The following ACSM1 variants were observed in gnomAD, a reference collection of about 807,000 sequenced individuals.
ACSM1 encodes acyl-coenzyme A synthetase ACSM1, mitochondrial.
Under a neutral mutation model 75.8 loss-of-function variants are expected in ACSM1, and 79 were observed. The observed-to-expected ratio is 1.04, with a 90% CI of 0.87 to 1.26. The LOEUF (loss-of-function observed/expected upper bound fraction) is 1.26, where lower values mean the gene tolerates loss of function less well. Among genes scored for constraint, ACSM1 ranks in the 50% most tolerant of loss-of-function variants. ACSM1 has a pLI of 0.00. For synonymous variants in ACSM1, 279 were observed against 265.8 expected, an observed-to-expected ratio of 1.05 and a Z score of -0.48; for missense variants, 676 against 720.1, an observed-to-expected ratio of 0.94 and a Z score of 0.70.
chr16:20,625,295 T>TA, intron 12 of ACSM1, 128 bp downstream of exon 12: 1 of 840,676 alleles, frequency 1.2e-6, no homozygotes, highest in South Asian at 1.7e-5. Context: ...CCTGGTGCCA[T>TA]ACCGTGTAAA....
chr16:20,656,593 A>T (rs1020975022), intron 7 of ACSM1, among the ~76,000 whole-genome samples: 2 of 152,216 alleles, frequency 1.3e-5, no homozygotes, highest in Non-Finnish European at 2.9e-5. Context: ...GAAACATTTA[A>T]GAGTTGCTTT....
intron 4 of ACSM1, chr16:20,681,067 A>G (rs1277132910): frequency 6.6e-6 from 1 of 152,228 alleles, no homozygotes; most frequent in East Asian, 1.9e-4. Flanking sequence ...GGCCTCCTGA[A>G]AGAATAATTA....
intron 7 of ACSM1, among the ~76,000 whole-genome samples, chr16:20,642,100 C>G (rs2018095970): frequency 1.3e-5 from 2 of 152,116 alleles, no homozygotes; most frequent in South Asian, 4.2e-4. Context: ...GAGAAATTGA[C>G]AGAGATTTTT....
intron 4 of ACSM1, among the ~76,000 whole-genome samples, chr16:20,676,555 A>T (rs796551076): frequency 6.6e-6 from 1 of 152,184 alleles, no homozygotes; most frequent in Non-Finnish European, 1.5e-5. Flanking sequence ...GTGTGAATGC[A>T]ACTCAGCTTA....
chr16:20,632,170 T>C (rs571236449), intron 10 of ACSM1, among the ~76,000 whole-genome samples: 3 of 152,160 alleles, frequency 2.0e-5, no homozygotes, highest in South Asian at 4.1e-4. Flanking sequence ...ACCTTACACT[T>C]TAGGGAACCA....
intron 7 of ACSM1, among the ~76,000 whole-genome samples, chr16:20,659,719 A>G (rs754242204): frequency 1.2e-4 from 18 of 152,100 alleles, no homozygotes; most frequent in Non-Finnish European, 1.9e-4. Flanking sequence ...GAGATAATCA[A>G]CTAAGAACCA....
At chr16:20,676,106 T>A (rs1472631429) in intron 4 of ACSM1, 2 of 152,174 alleles carry the variant, frequency 1.3e-5, no homozygotes, top group Non-Finnish European at 2.9e-5. Context: ...TTCAAAGAGA[T>A]ACAGGCTCCC....
chr16:20,625,057 C>T (rs538011241), intron 12 of ACSM1, among the ~76,000 whole-genome samples: 4 of 152,200 alleles, frequency 2.6e-5, no homozygotes, highest in South Asian at 2.1e-4. Context: ...CATGTATGTT[C>T]GGGAGCCACA....
intron 4 of ACSM1, among the ~76,000 whole-genome samples, chr16:20,673,409 T>A (rs887848629): frequency 6.6e-6 from 1 of 152,220 alleles, no homozygotes; most frequent in Non-Finnish European, 1.5e-5. Context: ...TCTGTTTTAA[T>A]TAAATTCTCT....
intron 7 of ACSM1, among the ~76,000 whole-genome samples, chr16:20,645,668 G>T (rs1453589520): frequency 6.6e-6 from 1 of 152,182 alleles, no homozygotes; most frequent in African/African-American, 2.4e-5. Context: ...GTCAATGATA[G>T]GATGACAACA....
intron 4 of ACSM1, among the ~76,000 whole-genome samples, chr16:20,672,652 ATAAT>A (rs1339459203): frequency 7.7e-6 from 1 of 130,404 alleles, no homozygotes; most frequent in Non-Finnish European, 1.5e-5. Flanking sequence ...ATAAGTATAT[ATAAT>A]ATATATCATA....
intron 3 of ACSM1, 112 bp from the exon 4 acceptor site, chr16:20,682,575 C>T: frequency 1.3e-6 from 1 of 762,776 alleles, no homozygotes; most frequent in Non-Finnish European, 2.2e-6. Flanking sequence ...AAAGTACAGG[C>T]CACAGAACAA....
chr16:20,640,519 T>C lies in ACSM1; in HGVS notation c.1058A>G (p.Glu353Gly), dbSNP rs767833607. 6.8e-6 allele frequency: 11 copies of C among 1,614,164 alleles called. No homozygotes were observed. Among genetic ancestry groups the C allele is most frequent in the Non-Finnish European group, 8.5e-6 (10 of 1,180,016 alleles). The change falls in exon 8 of 14, where the codon GAG becomes GGG. Residue 353 changes from glutamate to glycine, a missense_variant. By Grantham distance (98) the Glu-to-Gly change is moderately conservative. Coordinates refer to ENST00000520010, the MANE Select transcript of ACSM1 (RefSeq NM_001318890.3). ...GGEVVLPKDQEEWKRRTGLLL... is the reference protein window; with the variant it reads ...GGEVVLPKDQGEWKRRTGLLL... Reference sequence around the variant, plus strand: ...AAGGCCCGTCCGTCTTTTCCACTCCTCCTGATCCTTGGGCAACACGACCTC... The same window carrying C: ...AAGGCCCGTCCGTCTTTTCCACTCCCCCTGATCCTTGGGCAACACGACCTC...
chr16:20,668,766 C>T (rs2019714416), intron 6 of ACSM1, among the ~76,000 whole-genome samples: 1 of 152,094 alleles, frequency 6.6e-6, no homozygotes, highest in South Asian at 2.1e-4. Context: ...GAGGTGGCTG[C>T]AGCAAATGGA....
chr16:20,647,134 T>G (rs1479822992), intron 7 of ACSM1, among the ~76,000 whole-genome samples: 2 of 152,364 alleles, frequency 1.3e-5, no homozygotes, highest in Admixed American at 6.5e-5. Flanking sequence ...AGTTTTTGCT[T>G]CTGTTTCAGT....
At chr16:20,670,618 G>A (rs937261394) in intron 5 of ACSM1, among the ~76,000 whole-genome samples, 7 of 152,286 alleles carry the variant, frequency 4.6e-5, no homozygotes, top group South Asian at 2.1e-4. Flanking sequence ...ATCCCTGCAC[G>A]GTCTGAGTCC....
Position 20,624,205 on chromosome 16 carries a change from G to A in ACSM1, c.1538C>T (p.Ala513Val), listed in dbSNP as rs1375558668. Residue 513 changes from alanine to valine, a missense_variant, in exon 13 of 14, where the codon GCC (alanine) becomes GTC (valine). Coordinates refer to ENST00000520010, the MANE Select transcript of ACSM1 (RefSeq NM_001318890.3). ...PDPIRGEVVK[A>V]FIVLTPQFLS... ...GAACTGTGGGGTCAGGACAATAAAG[G>A]CCTTCACCACCTGCAGAATGAAGTC... 1 of 1,609,764 alleles carries A rather than the reference G, an allele frequency of 6.2e-7. No homozygotes were observed. Among genetic ancestry groups the A allele is most frequent in the Non-Finnish European group, 8.5e-7 (1 of 1,177,372 alleles).
At chr16:20,636,676 A>G in intron 10 of ACSM1, 63 bp downstream of exon 10, 1 of 1,193,292 alleles carries the variant, frequency 8.4e-7, no homozygotes, top group Admixed American at 1.8e-5. Context: ...AAGAAGCCTC[A>G]GGATGCAGAG....
At chr16:20,627,903 T>TAC (rs2017080693) in intron 10 of ACSM1, among the ~76,000 whole-genome samples, 1 of 105,980 alleles carries the variant, frequency 9.4e-6, no homozygotes, top group African/African-American at 4.6e-5. Context: ...TATATATATA[T>TAC]ATATATATAT....
Sources: allele counts gnomAD v4.1 joint callset (sites outside exome capture counted in the v4.1 genomes callset), GRCh38; gene constraint gnomAD v4.1.1; transcripts MANE v1.5; gene names NCBI Gene and HGNC (gene_info 2026-07-23, HGNC 2026-07-21).